The following UNC5C variants were observed in gnomAD, a reference collection of about 807,000 sequenced individuals.
UNC5C encodes the protein unc-5 netrin receptor C, also known as netrin receptor UNC5C.
In UNC5C, 47 loss-of-function variants were observed where a neutral mutation model predicts 99.8. That is an observed-to-expected ratio of 0.47 (90% CI 0.37 to 0.60). The LOEUF is 0.60. Among genes scored for constraint, UNC5C ranks in the 20% least tolerant of loss-of-function variants. UNC5C has a pLI of 0.00. For synonymous variants in UNC5C, 487 were observed against 452.2 expected, an observed-to-expected ratio of 1.08 and a Z score of -0.98; for missense variants, 1,062 against 1,165.9, an observed-to-expected ratio of 0.91 and a Z score of 1.30.
At chr4:95,323,442 C>T (rs1579324349) in intron 2 of UNC5C, among the ~76,000 whole-genome samples, 2 of 152,010 alleles carry the variant, frequency 1.3e-5, no homozygotes, top group African/African-American at 4.8e-5. Context: ...GTAAGTAGGT[C>T]CACAAAGTCA....
rs540327039 is a variant in UNC5C at position 95,483,198 on chromosome 4, A to C, written c.124+65536T>G. On this transcript the variant is annotated intron_variant, in intron 1 of 15. Coordinates refer to ENST00000453304, the MANE Select transcript of UNC5C (RefSeq NM_003728.4). The stretch of plus-strand genomic sequence containing the variant: ...GTTCCATTCAGGCATAAAAATCCTC[A>C]GTCTCACACCAGCAAATAATTCACC... Among the ~76,000 whole-genome samples the C allele has an allele frequency of 5.3e-5, 8 of 151,726 alleles. No homozygotes were observed. In the East Asian group the frequency reaches 1.6e-3, roughly 30 times the overall value.
chr4:95,286,273 G>A (rs1211880031), intron 3 of UNC5C, among the ~76,000 whole-genome samples: 1 of 152,306 alleles, frequency 6.6e-6, no homozygotes, highest in East Asian at 1.9e-4. Context: ...AGATATGCAG[G>A]TATTACCCTG....
At chr4:95,489,072 G>A (rs1328150117) in intron 1 of UNC5C, among the ~76,000 whole-genome samples, 1 of 150,078 alleles carries the variant, frequency 6.7e-6, no homozygotes, top group Non-Finnish European at 1.5e-5. Flanking sequence ...GAAGGGAAGA[G>A]GGGAGGCAGG....
chr4:95,439,145 AT>A (rs1344833591), intron 1 of UNC5C, among the ~76,000 whole-genome samples: 1 of 152,134 alleles, frequency 6.6e-6, no homozygotes, highest in Non-Finnish European at 1.5e-5. Flanking sequence ...CATTGAGCTT[AT>A]TTTTCTTTTA....
intron 1 of UNC5C, among the ~76,000 whole-genome samples, chr4:95,416,702 T>C (rs996904862): frequency 6.6e-6 from 1 of 152,192 alleles, no homozygotes; most frequent in Non-Finnish European, 1.5e-5. Flanking sequence ...GGTATCATTA[T>C]CAAAATGTCC....
At chr4:95,491,050 G>C (rs1403011555) in intron 1 of UNC5C, among the ~76,000 whole-genome samples, 4 of 151,458 alleles carry the variant, frequency 2.6e-5, no homozygotes, top group Admixed American at 2.6e-4. Context: ...CAAATCAATG[G>C]GAAGGTGGTA....
chr4:95,456,193 A>G (rs1288109646), intron 1 of UNC5C, among the ~76,000 whole-genome samples: 1 of 152,118 alleles, frequency 6.6e-6, no homozygotes, highest in African/African-American at 2.4e-5. Flanking sequence ...ATGGAGGAAC[A>G]CACCACCGAC....
At position 95,182,963 on chromosome 4, in the gene UNC5C, G is replaced by A; in HGVS notation, c.2385C>T (p.Cys795=). ...RFSLNTVELV[C]KLCVRQVEGE... The stretch of plus-strand genomic sequence containing the variant: ...CTTCCACCTGCCGCACACAGAGTTT[G>A]CAAACCAGCTCCACTGTGTTCAGGC... Residue 795 remains cysteine, a synonymous_variant, in exon 14 of 16, where the codon TGC becomes TGT. Transcript: ENST00000453304. The A allele has an allele frequency of 2.5e-6, 4 of 1,613,912 alleles. No homozygotes were observed. The highest frequency in any genetic ancestry group is 3.4e-6 in the Non-Finnish European group (4 of 1,179,860).
At chr4:95,201,738 G>A (rs1737667775) in intron 12 of UNC5C, among the ~76,000 whole-genome samples, 1 of 151,922 alleles carries the variant, frequency 6.6e-6, no homozygotes, top group Admixed American at 6.6e-5. Flanking sequence ...TGAGTAGCTG[G>A]GACTACAGAT....
At chr4:95,520,596 ATTTTTT>A (rs10712546) in intron 1 of UNC5C, among the ~76,000 whole-genome samples, 1 of 98,828 alleles carries the variant, frequency 1.0e-5, no homozygotes, top group Non-Finnish European at 2.1e-5. Flanking sequence ...ACTATCTAGT[ATTTTTT>A]TTTTTTTTTT....
At chr4:95,297,416 T>C (rs1176064892) in intron 3 of UNC5C, among the ~76,000 whole-genome samples, 9 of 152,206 alleles carry the variant, frequency 5.9e-5, no homozygotes. Flanking sequence ...CACTGGGAAT[T>C]CTTTATAACA....
At chr4:95,304,525 G>A (rs1352541615) in intron 2 of UNC5C, among the ~76,000 whole-genome samples, 1 of 152,112 alleles carries the variant, frequency 6.6e-6, no homozygotes, top group East Asian at 1.9e-4. Context: ...TCTATGGGAA[G>A]ATGGAATCAC....
intron 1 of UNC5C, among the ~76,000 whole-genome samples, chr4:95,452,914 C>A (rs1472604765): frequency 1.3e-5 from 2 of 152,178 alleles, no homozygotes; most frequent in African/African-American, 2.4e-5. Context: ...ATGATACTCA[C>A]TACTCTTTGT....
intron 1 of UNC5C, among the ~76,000 whole-genome samples, chr4:95,409,894 T>C (rs79607688): frequency 0.014 from 2,186 of 152,340 alleles, 57 homozygotes; most frequent in African/African-American, 0.049. Context: ...TGCCTCTATG[T>C]GCGCCTAGGG....
At chr4:95,417,722 T>A (rs1746206959) in intron 1 of UNC5C, among the ~76,000 whole-genome samples, 1 of 152,052 alleles carries the variant, frequency 6.6e-6, no homozygotes, top group African/African-American at 2.4e-5. Flanking sequence ...AGTAGGTGAG[T>A]GTGCACACAT....
rs999588508 is a variant in UNC5C, at chr4:95,163,013, C to T, written c.*6221G>A. On this transcript the variant is annotated 3_prime_UTR_variant, in exon 16 of 16. Coordinates refer to ENST00000453304, the MANE Select transcript of UNC5C (RefSeq NM_003728.4). ...AGCAAAGAGGAAGGTCACCAACTTG[C>T]TTCAGCTCAACATTAAACTCAACAC... 1.3e-5 allele frequency: 2 copies of T among 152,188 alleles called. No individual in the cohort carries two copies. Among genetic ancestry groups the T allele is most frequent in the African/African-American group, 4.8e-5 (2 of 41,444 alleles). The allele number at this position is 152,188 out of a possible 1,614,324, so 9.4% of individuals were successfully genotyped here.
chr4:95,455,266 A>C (rs929197704), intron 1 of UNC5C, among the ~76,000 whole-genome samples: 12 of 152,106 alleles, frequency 7.9e-5, no homozygotes, highest in Non-Finnish European at 1.3e-4. Flanking sequence ...TCCCATTGGC[A>C]AAGTGATGTC....
chr4:95,178,350 C>A (rs961522498), intron 14 of UNC5C, among the ~76,000 whole-genome samples: 1 of 152,220 alleles, frequency 6.6e-6, no homozygotes, highest in Non-Finnish European at 1.5e-5. Flanking sequence ...ATACCCTAGG[C>A]GTCAGGCCTG....
chr4:95,379,855 G>A (rs533668894), intron 1 of UNC5C, among the ~76,000 whole-genome samples: 1 of 152,136 alleles, frequency 6.6e-6, no homozygotes, highest in African/African-American at 2.4e-5. Flanking sequence ...TGGCTGCGCT[G>A]CCTCAGGCTT....
Sources: allele counts gnomAD v4.1 joint callset (sites outside exome capture counted in the v4.1 genomes callset), GRCh38; gene constraint gnomAD v4.1.1; transcripts MANE v1.5; gene names NCBI Gene and HGNC (gene_info 2026-07-23, HGNC 2026-07-21).